Variants in TNFRSF1A observed in about 807,000 individuals in gnomAD.
TNFRSF1A encodes the protein TNF receptor superfamily member 1A, also known as tumor necrosis factor receptor superfamily member 1A.
A neutral mutation model predicts 41.6 loss-of-function variants in TNFRSF1A; 9 were observed. The ratio of observed to expected loss-of-function variants is 0.22; its 90% CI spans 0.13 to 0.38. The LOEUF is 0.38. TNFRSF1A is among the 10% of genes least tolerant of loss of function. The probability of loss-of-function intolerance (pLI) is 1.00; values close to 1 mark genes in which losing one functional copy is unlikely to be tolerated. For missense variants in TNFRSF1A, 463 were observed against 591.5 expected, an observed-to-expected ratio of 0.78 and a Z score of 2.25; for synonymous variants, 254 against 248.6, an observed-to-expected ratio of 1.02 and a Z score of -0.21.
rs17847989 is a variant in TNFRSF1A at position 6,334,072 on chromosome 12, C to T, written c.193+19G>A. ...GCACCCCAGACCTGAGGGCATTCACCGTTTCCACTTGCCCCTACCTTTGTG... is the reference window on the plus strand; with the variant it reads ...GCACCCCAGACCTGAGGGCATTCACTGTTTCCACTTGCCCCTACCTTTGTG... On this transcript the variant is annotated intron_variant, in intron 2 of 9. Coordinates refer to ENST00000162749, the MANE Select transcript of TNFRSF1A (RefSeq NM_001065.4). This position sits in a 1 kb window ranked among gnomAD's most constrained non-coding sequence, Gnocchi z 5.1. The T allele has an allele frequency of 3.2e-5, 52 of 1,614,168 alleles. No homozygotes were observed. The East Asian group carries it at 8.0e-4, about 25-fold the overall frequency.
chr12:6,340,597 G>A (rs560864299), intron 1 of TNFRSF1A, among the ~76,000 whole-genome samples: 3 of 152,164 alleles, frequency 2.0e-5, no homozygotes, highest in African/African-American at 2.4e-5. Flanking sequence ...GGACCAGAGC[G>A]GAGCAGAGAG....
Position 6,342,055 on chromosome 12 carries a change from G to C in TNFRSF1A, c.-241C>G. 1 of 590,768 alleles carries C rather than the reference G, an allele frequency of 1.7e-6. No individual in the cohort carries two copies. Among genetic ancestry groups the C allele is most frequent in the Non-Finnish European group, 3.1e-6 (1 of 325,316 alleles). The allele number at this position is 590,768 out of a possible 1,614,324, so 36.6% of individuals were successfully genotyped here. ...GAAAATTAAAGCAGAGAGGAGGGGA[G>C]AGAAGGTGGGAGGGGAAGAGTGAGG... On this transcript the variant is annotated 5_prime_UTR_variant, in exon 1 of 10. Transcript: ENST00000162749.
rs187115702 is a variant in TNFRSF1A at position 6,341,497 on chromosome 12, G to A, written c.39+279C>T. ...ATCTCCTGCCCACATTCCCTTGGCC[G>A]CCCACAAACTTCCACCGCTGTCAGG... is the stretch of plus-strand genomic sequence containing the variant. On this transcript the variant is annotated intron_variant, in intron 1 of 9. Transcript: ENST00000162749. This position sits in a 1 kb window ranked among gnomAD's most constrained non-coding sequence, Gnocchi z 4.6. Among the ~76,000 whole-genome samples, 9 of 152,296 alleles carry A rather than the reference G, an allele frequency of 5.9e-5. No homozygotes were observed. The South Asian group carries it at 8.3e-4, about 14-fold the overall frequency.
Position 6,329,452 on chromosome 12 carries a change from G to A in TNFRSF1A, c.1228C>T (p.Arg410Cys), listed in dbSNP as rs756182075. Reference sequence around the variant, plus strand: ...AGCGTGGCCTCGCGCCGCGGCGTGCGCCGCCTCCAGGTCGCCAGCATGCTG... The same window carrying A: ...AGCGTGGCCTCGCGCCGCGGCGTGCACCGCCTCCAGGTCGCCAGCATGCTG... ...QYSMLATWRR[R>C]TPRREATLEL... is the part of the protein sequence containing the mutation. The change falls in exon 10 of 10, where the codon CGC (arginine) becomes TGC (cysteine). Residue 410 changes from arginine (R) to cysteine (C), a missense_variant. Coordinates refer to ENST00000162749, the MANE Select transcript of TNFRSF1A (RefSeq NM_001065.4). 9 of 1,588,496 alleles carry A rather than the reference G, an allele frequency of 5.7e-6. No homozygotes were observed. Among genetic ancestry groups the A allele is most frequent in the African/African-American group, 1.4e-5 (1 of 73,936 alleles).
rs970884386 is a variant in TNFRSF1A, at chr12:6,337,330, G to A, written c.40-3086C>T. ...GGGTGCCTGTGGAGAGACAGTTGAG[G>A]GGGTGGCCCAACACCCCTCCAACTC... On this transcript the variant is annotated intron_variant, in intron 1 of 9. Coordinates refer to ENST00000162749, the MANE Select transcript of TNFRSF1A (RefSeq NM_001065.4). The surrounding 1 kb of genome is among the most constrained non-coding windows in gnomAD (Gnocchi z 4.6). Among the ~76,000 whole-genome samples the A allele has an allele frequency of 5.3e-5, 8 of 152,182 alleles. No individual in the cohort carries two copies. Among genetic ancestry groups the A allele is most frequent in the Non-Finnish European group, 1.0e-4 (7 of 68,032 alleles).
rs569188547 is a variant in TNFRSF1A, at chr12:6,341,480, C to A, written c.39+296G>T. Among the ~76,000 whole-genome samples, 2 of 152,254 alleles carry A rather than the reference C, an allele frequency of 1.3e-5. No homozygotes were observed. Among genetic ancestry groups the A allele is most frequent in the Non-Finnish European group, 2.9e-5 (2 of 68,046 alleles). ...TGCCCCACCCTGGGCCTATCTCCTG[C>A]CCACATTCCCTTGGCCGCCCACAAA... is the stretch of plus-strand genomic sequence containing the variant. On this transcript the variant is annotated intron_variant, in intron 1 of 9. Coordinates refer to ENST00000162749, the MANE Select transcript of TNFRSF1A (RefSeq NM_001065.4). The surrounding 1 kb of genome is among the most constrained non-coding windows in gnomAD (Gnocchi z 4.6).
chr12:6,341,174 C>T lies in TNFRSF1A; in HGVS notation c.39+602G>A, dbSNP rs375650148. On this transcript the variant is annotated intron_variant, in intron 1 of 9. Transcript: ENST00000162749. This position sits in a 1 kb window ranked among gnomAD's most constrained non-coding sequence, Gnocchi z 4.6. ...CACTGTCCACTGGGTTGCCCTGCCC[C>T]ATCCAGTGTCCCAGCCCATTCTCAA... Among the ~76,000 whole-genome samples, 38 of 152,270 alleles carry T rather than the reference C, an allele frequency of 2.5e-4. No individual in the cohort carries two copies. The East Asian group carries it at 5.0e-3, about 20-fold the overall frequency.
At position 6,341,965 on chromosome 12, in the gene TNFRSF1A, G is replaced by C. The variant is rs201530819; in HGVS notation, c.-151C>G. 3.9e-6 allele frequency: 3 copies of C among 769,710 alleles called. No homozygotes were observed. The highest frequency in any genetic ancestry group is 2.6e-5 in the East Asian group (1 of 37,874). 47.7% of individuals were successfully genotyped at this position (769,710 alleles called of 1,614,324 possible). On this transcript the variant is annotated 5_prime_UTR_variant, in exon 1 of 10. Coordinates refer to ENST00000162749, the MANE Select transcript of TNFRSF1A (RefSeq NM_001065.4). This position sits in a 1 kb window ranked among gnomAD's most constrained non-coding sequence, Gnocchi z 4.6. ...GTTGAGACTCGGGCATAGAGATCAC[G>C]GCCTGGTCCCAGTGATCTTGAACCC... is the stretch of plus-strand genomic sequence containing the variant.
rs1948140594 is a variant in TNFRSF1A, at chr12:6,337,854, C to G, written c.40-3610G>C. On this transcript the variant is annotated intron_variant, in intron 1 of 9. Transcript: ENST00000162749. The surrounding 1 kb of genome is among the most constrained non-coding windows in gnomAD (Gnocchi z 4.6). Reference sequence around the variant, plus strand: ...CAGAACCAGACCTCCAGACTGGGAGCAGATAAATATGGATCAACTGATCGA... The same window carrying G: ...CAGAACCAGACCTCCAGACTGGGAGGAGATAAATATGGATCAACTGATCGA... Among the ~76,000 whole-genome samples, 1 of 152,152 alleles carries G rather than the reference C, an allele frequency of 6.6e-6. No individual in the cohort carries two copies. Among genetic ancestry groups the G allele is most frequent in the African/African-American group, 2.4e-5 (1 of 41,424 alleles).
At chr12:6,332,823 AC>A (rs1282206192) in intron 5 of TNFRSF1A, among the ~76,000 whole-genome samples, 1 of 152,242 alleles carries the variant, frequency 6.6e-6, no homozygotes, top group Non-Finnish European at 1.5e-5. Context: ...CCAAGAATCT[AC>A]ATATCTGAGT....
intron 1 of TNFRSF1A, among the ~76,000 whole-genome samples, chr12:6,335,762 C>T (rs1343656274): frequency 6.6e-6 from 1 of 152,188 alleles, no homozygotes; most frequent in Non-Finnish European, 1.5e-5. Context: ...GCCTCACCAA[C>T]TCCACATTTC....
chr12:6,330,196 G>A, intron 8 of TNFRSF1A, 71 bp downstream of exon 8: 1 of 1,613,200 alleles, frequency 6.2e-7, no homozygotes, highest in Non-Finnish European at 8.5e-7. Context: ...TGATTCCAGG[G>A]GATCTGAGCA....
At chr12:6,332,301 T>C (rs1368453216) in intron 5 of TNFRSF1A, among the ~76,000 whole-genome samples, 2 of 151,542 alleles carry the variant, frequency 1.3e-5, no homozygotes, top group East Asian at 3.9e-4. Flanking sequence ...TAGCTGGGTG[T>C]AGTGGTGTGT....
rs1449749846 is a variant in TNFRSF1A at position 6,334,843 on chromosome 12, C to T, written c.40-599G>A. On this transcript the variant is annotated intron_variant, in intron 1 of 9. Transcript: ENST00000162749. This position sits in a 1 kb window ranked among gnomAD's most constrained non-coding sequence, Gnocchi z 5.1. Reference sequence around the variant, plus strand: ...CCCCACAGCAGCTAACAGTGCTGGACACAGGGCAGATGTTGAAAGGATGTG... The same window carrying T: ...CCCCACAGCAGCTAACAGTGCTGGATACAGGGCAGATGTTGAAAGGATGTG... Among the ~76,000 whole-genome samples the T allele has an allele frequency of 3.3e-5, 5 of 152,168 alleles. No homozygotes were observed. The highest frequency in any genetic ancestry group is 2.1e-4 in the South Asian group (1 of 4,830).
At position 6,334,117 on chromosome 12, in the gene TNFRSF1A, G is replaced by A. The variant is rs199961053; in HGVS notation, c.167C>T (p.Ser56Leu). The A allele has an allele frequency of 1.3e-5, 21 of 1,614,178 alleles. No individual in the cohort carries two copies. In the East Asian group the frequency reaches 3.3e-4, roughly 26 times the overall value. Residue 56 changes from serine to leucine, a missense_variant, in exon 2 of 10, where the codon TCG (serine) becomes TTG (leucine). This residue lies in a region of TNFRSF1A where 149 missense variants were observed against 239.4 expected (regional missense o/e 0.62). Transcript: ENST00000162749. This position sits in a 1 kb window ranked among gnomAD's most constrained non-coding sequence, Gnocchi z 5.1. ...TTTGTGGCACTTGGTACAGCAAATC[G>A]AATTATTTTGAGGGTGGATATATTT... The part of the protein sequence containing the change: ...QGKYIHPQNN[S>L]ICCTKCHKGT...
chr12:6,339,374 G>A (rs1372127748), intron 1 of TNFRSF1A, among the ~76,000 whole-genome samples: 2 of 152,226 alleles, frequency 1.3e-5, no homozygotes, highest in African/African-American at 4.8e-5. Flanking sequence ...TAATGTGACA[G>A]GTCCCGTATG....
At chr12:6,331,439 T>A (rs940824476) in intron 5 of TNFRSF1A, 3 of 220,532 alleles carry the variant, frequency 1.4e-5, no homozygotes, top group African/African-American at 6.9e-5. Context: ...TTACAGTACC[T>A]GACTTCGGGG....
intron 1 of TNFRSF1A, among the ~76,000 whole-genome samples, chr12:6,340,954 G>A (rs1158144709): frequency 5.9e-5 from 9 of 152,214 alleles, no homozygotes; most frequent in African/African-American, 1.9e-4. Context: ...AAGAAACCAA[G>A]GGATTGTTGT....
chr12:6,334,611 C>T lies in TNFRSF1A; in HGVS notation c.40-367G>A, dbSNP rs4149635. On this transcript the variant is annotated intron_variant, in intron 1 of 9. Coordinates refer to ENST00000162749, the MANE Select transcript of TNFRSF1A (RefSeq NM_001065.4). The surrounding 1 kb of genome is among the most constrained non-coding windows in gnomAD (Gnocchi z 5.1). Reference sequence around the variant, plus strand: ...CACCCACGCTCAAGCAGTCCTCCCACCTTAGCCTCCTGAATAGCTGGGACT... The same window carrying T: ...CACCCACGCTCAAGCAGTCCTCCCATCTTAGCCTCCTGAATAGCTGGGACT... Among the ~76,000 whole-genome samples, 31 of 152,072 alleles carry T rather than the reference C, an allele frequency of 2.0e-4. No individual in the cohort carries two copies. The highest frequency in any genetic ancestry group is 7.2e-4 in the African/African-American group (30 of 41,390).
Sources: allele counts gnomAD v4.1 joint callset (sites outside exome capture counted in the v4.1 genomes callset), GRCh38; gene constraint gnomAD v4.1.1; regional missense constraint gnomAD v4.1.1; non-coding constraint Gnocchi (gnomAD v3.1); transcripts MANE v1.5; gene names NCBI Gene and HGNC (gene_info 2026-07-23, HGNC 2026-07-21).